The following ICA1 variants were observed in gnomAD, a reference collection of about 807,000 sequenced individuals.
ICA1 encodes the protein islet cell autoantigen 1.
In ICA1, 40 loss-of-function variants were observed where a neutral mutation model predicts 71.0. The observed-to-expected ratio is 0.56, with a 90% CI of 0.44 to 0.73. The LOEUF (loss-of-function observed/expected upper bound fraction) is 0.73, where lower values mean the gene tolerates loss of function less well. Among genes scored for constraint, ICA1 ranks in the 30% least tolerant of loss-of-function variants. The pLI is 0.00. For missense variants in ICA1, 578 were observed against 576.5 expected (o/e 1.00, Z -0.03); for synonymous variants, 207 against 209.5 (o/e 0.99, Z 0.10).
chr7:8,227,617 T>TTC, intron 4 of ICA1: 2 of 387,482 alleles, frequency 5.2e-6, no homozygotes, highest in Admixed American at 3.5e-5. Context: ...TTTTTTTTTT[T>TTC]TTTTTTCTAA....
intron 6 of ICA1, among the ~76,000 whole-genome samples, chr7:8,186,768 T>C (rs1003599091): frequency 1.3e-5 from 2 of 152,192 alleles, no homozygotes; most frequent in Non-Finnish European, 2.9e-5. Context: ...ATTTGATGGG[T>C]TCCATTACAT....
At chr7:8,187,922 C>T (rs1293070553) in intron 6 of ICA1, among the ~76,000 whole-genome samples, 1 of 152,144 alleles carries the variant, frequency 6.6e-6, no homozygotes, top group Non-Finnish European at 1.5e-5. Context: ...TTGACTGTGT[C>T]TCCATTTTTC....
chr7:8,159,829 T>C (rs1803090890), intron 6 of ICA1, among the ~76,000 whole-genome samples: 1 of 152,232 alleles, frequency 6.6e-6, no homozygotes, highest in Non-Finnish European at 1.5e-5. Flanking sequence ...CAGCCAATTT[T>C]TCAAAAACCA....
chr7:8,137,065 T>C (rs1205578354), intron 12 of ICA1, among the ~76,000 whole-genome samples: 1 of 151,430 alleles, frequency 6.6e-6, no homozygotes, highest in South Asian at 2.1e-4. Context: ...TTTTTTTTTT[T>C]AGAAAGAGGG....
chr7:8,221,359 C>G lies in ICA1; in HGVS notation c.296G>C (p.Arg99Pro), dbSNP rs776283943. 5 of 1,613,400 alleles carry G rather than the reference C, an allele frequency of 3.1e-6. No individual in the cohort carries two copies. The highest frequency in any genetic ancestry group is 1.7e-5 in the Admixed American group (1 of 59,970). Residue 99 changes from arginine to proline, a missense_variant, in exon 5 of 14, where the codon CGA (arginine) becomes CCA (proline). Coordinates refer to ENST00000402384, the MANE Select transcript of ICA1 (RefSeq NM_001136020.3). ...GGTTTTATCTTGGAAACCTTGGGAT[C>G]GAAGAAATTTTCCCAGTTCGTTTTC... is the stretch of plus-strand genomic sequence containing the variant. ...QEENELGKFL[R>P]SQGFQDKTRA...
At chr7:8,164,637 G>A (rs1398635880) in intron 6 of ICA1, among the ~76,000 whole-genome samples, 3 of 152,160 alleles carry the variant, frequency 2.0e-5, no homozygotes, top group Non-Finnish European at 2.9e-5. Flanking sequence ...TCATTAACTG[G>A]ATCTGTTCAC....
intron 8 of ICA1, among the ~76,000 whole-genome samples, chr7:8,152,310 A>C (rs182394610): frequency 9.9e-5 from 15 of 152,126 alleles, no homozygotes; most frequent in Non-Finnish European, 1.8e-4. Flanking sequence ...AAAGTAACAT[A>C]ACCTAGAAAC....
In ICA1 at chr7:8,157,136, AT is replaced by A; in HGVS notation, c.783del (p.Tyr262MetfsTer6). The part of the protein sequence containing the change: ...AIHESFKGYQ[P>X]YEFTTLKSLQ... ...CATACCTTTAAAGTAGTAAATTCAT[AT>A]GGTTGATAACCTTTGAAACTCTCAT... On this transcript the variant is annotated frameshift_variant, in exon 8 of 14. Coordinates refer to ENST00000402384, the MANE Select transcript of ICA1 (RefSeq NM_001136020.3). LOFTEE classifies it high-confidence loss of function. 1 of 1,614,120 alleles carries A rather than the reference AT, an allele frequency of 6.2e-7. No homozygotes were observed. Among genetic ancestry groups the A allele is most frequent in the Non-Finnish European group, 8.5e-7 (1 of 1,180,036 alleles).
At chr7:8,209,260 C>T (rs951905238) in intron 6 of ICA1, among the ~76,000 whole-genome samples, 10 of 152,114 alleles carry the variant, frequency 6.6e-5, no homozygotes, top group African/African-American at 2.4e-4. Flanking sequence ...TGTGGTCCTT[C>T]CCCCTCCACA....
In ICA1 at chr7:8,132,259, C is replaced by T. The variant is rs1209897083; in HGVS notation, c.1061-4117G>A. Among the ~76,000 whole-genome samples the T allele has an allele frequency of 6.6e-6, 1 of 152,178 alleles. No homozygotes were observed. The highest frequency in any genetic ancestry group is 1.5e-5 in the Non-Finnish European group (1 of 68,038). ...TTCCTGAAGCCTGCTCTGTTCCCAC[C>T]ATTATTCAGATCCAGCACCTTTAGT... On this transcript the variant is annotated intron_variant, in intron 12 of 13. Transcript: ENST00000402384. The surrounding 1 kb of genome is among the most constrained non-coding windows in gnomAD (Gnocchi z 4.5).
intron 6 of ICA1, among the ~76,000 whole-genome samples, chr7:8,165,989 C>A (rs2882041): frequency 0.56 from 84,833 of 151,968 alleles, 23,845 homozygotes; most frequent in Middle Eastern, 0.68. Context: ...ACTACCAATG[C>A]CATTCGTTAC....
Position 8,128,161 on chromosome 7 carries a change from A to G in ICA1, c.1061-19T>C. 1 of 1,609,994 alleles carries G rather than the reference A, an allele frequency of 6.2e-7. No individual in the cohort carries two copies. Among genetic ancestry groups the G allele is most frequent in the Non-Finnish European group, 8.5e-7 (1 of 1,177,100 alleles). Reference sequence around the variant, plus strand: ...AGGCAAGCTGATTGAAGTAACAGAGAACAAAACGTCACCACGGAGGGCTCA... The same window carrying G: ...AGGCAAGCTGATTGAAGTAACAGAGGACAAAACGTCACCACGGAGGGCTCA... On this transcript the variant is annotated intron_variant, in intron 12 of 13. Transcript: ENST00000402384.
chr7:8,260,650 A>T (rs1308009747), intron 1 of ICA1, among the ~76,000 whole-genome samples: 1 of 152,252 alleles, frequency 6.6e-6, no homozygotes, highest in Non-Finnish European at 1.5e-5. Context: ...ATAAAACCAA[A>T]GAGTGATATT....
chr7:8,221,554 C>T (rs1345185341), intron 4 of ICA1, among the ~76,000 whole-genome samples, 156 bp from the exon 5 acceptor site: 3 of 152,168 alleles, frequency 2.0e-5, no homozygotes, highest in African/African-American at 7.2e-5. Context: ...TCCCCCTACC[C>T]CCCATTTAAC....
At chr7:8,194,225 C>G (rs1331101619) in intron 6 of ICA1, among the ~76,000 whole-genome samples, 1 of 152,158 alleles carries the variant, frequency 6.6e-6, no homozygotes, top group Non-Finnish European at 1.5e-5. Flanking sequence ...CTCTCCTCCC[C>G]ACTATATTAT....
intron 1 of ICA1, among the ~76,000 whole-genome samples, chr7:8,251,261 A>G (rs1195576303): frequency 6.6e-6 from 1 of 152,000 alleles, no homozygotes; most frequent in East Asian, 1.9e-4. Context: ...TAAGTTATAT[A>G]CAATGATTAA....
In ICA1 at chr7:8,246,717, T is replaced by C. The variant is rs574137081; in HGVS notation, c.-79-10712A>G. On this transcript the variant is annotated intron_variant, in intron 1 of 13. Coordinates refer to ENST00000402384, the MANE Select transcript of ICA1 (RefSeq NM_001136020.3). ...ACTTTGTTCAGGTTTTCTGTTGGGA[T>C]CCTGTGCTCCTGTGCAATAACTATG... Among the ~76,000 whole-genome samples the C allele has an allele frequency of 2.0e-5, 3 of 152,332 alleles. No individual in the cohort carries two copies. The South Asian group carries it at 6.2e-4, about 32-fold the overall frequency.
intron 4 of ICA1, among the ~76,000 whole-genome samples, chr7:8,225,016 G>A (rs1264573750): frequency 6.6e-6 from 1 of 152,200 alleles, no homozygotes; most frequent in Non-Finnish European, 1.5e-5. Context: ...GGTTAAGGAG[G>A]TATCTGCTGG....
chr7:8,260,342 G>A (rs1445341196), intron 1 of ICA1, among the ~76,000 whole-genome samples: 2 of 152,114 alleles, frequency 1.3e-5, no homozygotes, highest in African/African-American at 4.8e-5. Context: ...GTAAAGATGC[G>A]TAGAGAAAGC....
Sources: gnomAD v4.1 joint callset for allele counts (sites outside exome capture counted in the v4.1 genomes callset) on GRCh38, gnomAD v4.1.1 for gene constraint, Gnocchi (gnomAD v3.1) non-coding constraint, MANE v1.5 for transcripts, NCBI Gene and HGNC (gene_info 2026-07-23, HGNC 2026-07-21) for gene names.